TNRC6B: variants seen among roughly 807,000 people sequenced by gnomAD.
TNRC6B encodes trinucleotide repeat-containing gene 6B protein.
TNRC6B carries 52 observed loss-of-function variants against 203.6 expected under a neutral mutation model. That is an observed-to-expected ratio of 0.26 (90% confidence interval 0.20 to 0.32). The LOEUF (loss-of-function observed/expected upper bound fraction) is 0.32, where lower values mean the gene tolerates loss of function less well. Ranked by LOEUF, TNRC6B falls within the 10% of genes least tolerant of loss-of-function variation. The pLI is 1.00. For synonymous variants in TNRC6B, 838 were observed against 845.7 expected (o/e 0.99, Z 0.16); for missense variants, 1,923 against 2,286.2 (o/e 0.84, Z 3.24).
intron 12 of TNRC6B, among the ~76,000 whole-genome samples, chr22:40,288,495 A>G (rs2070819178): frequency 2.6e-5 from 4 of 151,954 alleles, no homozygotes; most frequent in African/African-American, 4.8e-5. Context: ...GCTTCAGCCC[A>G]GGAGTTTGAG....
intron 1 of TNRC6B, among the ~76,000 whole-genome samples, chr22:40,227,541 A>C (rs1044574968): frequency 8.3e-5 from 12 of 144,536 alleles, no homozygotes; most frequent in African/African-American, 3.1e-4. Context: ...AATAGAGGTG[A>C]GGTTTCACCA....
chr22:40,063,330 A>G (rs547164574), intron 1 of TNRC6B, among the ~76,000 whole-genome samples: 2 of 152,212 alleles, frequency 1.3e-5, no homozygotes, highest in East Asian at 3.9e-4. Flanking sequence ...GTAGTTTTGT[A>G]TTACGTTTTG....
At chr22:40,054,083 G>A (rs150761550) in intron 1 of TNRC6B, among the ~76,000 whole-genome samples, 2 of 152,134 alleles carry the variant, frequency 1.3e-5, no homozygotes, top group South Asian at 4.1e-4. Flanking sequence ...TGGGCGTGGT[G>A]GTGCCTGCCT....
At chr22:40,138,596 T>A (rs1377642805) in intron 3 of TNRC6B, among the ~76,000 whole-genome samples, 2 of 152,138 alleles carry the variant, frequency 1.3e-5, no homozygotes, top group African/African-American at 4.8e-5. Flanking sequence ...GGGTGTGGAT[T>A]TTGAAATACT....
intron 2 of TNRC6B, among the ~76,000 whole-genome samples, chr22:40,119,468 C>T (rs569357621): frequency 3.7e-4 from 57 of 152,270 alleles, no homozygotes; most frequent in Middle Eastern, 3.4e-3. Flanking sequence ...CCTGTAGTCC[C>T]AGCTACTTGG....
In TNRC6B at chr22:40,335,018, T is replaced by C. The variant is rs894860291; in HGVS notation, c.*11777T>C. ...ATTGATGCTCTCTGCAAGTTACCTT[T>C]AAGTGTTTTTTTTTTCTTATACTTG... is the stretch of plus-strand genomic sequence containing the variant. On this transcript the variant is annotated 3_prime_UTR_variant, in exon 23 of 23. Coordinates refer to ENST00000454349, the MANE Select transcript of TNRC6B (RefSeq NM_001162501.2). The C allele has an allele frequency of 9.2e-5, 14 of 152,464 alleles. No individual in the cohort carries two copies. Among genetic ancestry groups the C allele is most frequent in the African/African-American group, 2.9e-4 (12 of 41,372 alleles). The allele number at this position is 152,464 out of a possible 1,614,324, so 9.4% of individuals were successfully genotyped here.
At chr22:40,321,549 A>T (rs1285987526) in intron 22 of TNRC6B, 1 of 237,120 alleles carries the variant, frequency 4.2e-6, no homozygotes, top group Non-Finnish European at 8.5e-6. Flanking sequence ...GCACTTTGGG[A>T]GGCCAAGGCG....
chr22:40,317,931 T>C (rs546586322), intron 21 of TNRC6B, among the ~76,000 whole-genome samples: 3 of 152,190 alleles, frequency 2.0e-5, no homozygotes, highest in Non-Finnish European at 4.4e-5. Context: ...ATGCACACTT[T>C]ATTAAGCCAA....
chr22:40,058,230 CA>C (rs972803501), intron 1 of TNRC6B, among the ~76,000 whole-genome samples: 1 of 151,836 alleles, frequency 6.6e-6, no homozygotes, highest in African/African-American at 2.4e-5. Context: ...TTTACAACAC[CA>C]AAAAACAAAA....
At chr22:40,103,054 G>T (rs112306050) in intron 1 of TNRC6B, among the ~76,000 whole-genome samples, 1 of 151,504 alleles carries the variant, frequency 6.6e-6, no homozygotes, top group African/African-American at 2.4e-5. Flanking sequence ...TCCAGCCTGG[G>T]GACAGAGTGA....
At chr22:40,173,755 CT>C (rs1311426295), upstream of TNRC6B, among the ~76,000 whole-genome samples, 6 of 85,436 alleles carry the variant, frequency 7.0e-5, no homozygotes, top group African/African-American at 2.6e-4. Flanking sequence ...TTTATTAACT[CT>C]TTTTCTAGAT....
chr22:40,192,172 G>T (rs1015819221), intron 1 of TNRC6B, among the ~76,000 whole-genome samples: 7 of 152,204 alleles, frequency 4.6e-5, no homozygotes, highest in African/African-American at 1.7e-4. Context: ...AACTATGCCT[G>T]GCCCAGAAAT....
At chr22:40,058,298 G>A (rs1432699874) in intron 1 of TNRC6B, among the ~76,000 whole-genome samples, 1 of 152,228 alleles carries the variant, frequency 6.6e-6, no homozygotes, top group Non-Finnish European at 1.5e-5. Context: ...GAAGAAGAAT[G>A]AATGAAGATG....
chr22:40,249,752 T>C (rs2070160582), intron 2 of TNRC6B, among the ~76,000 whole-genome samples: 1 of 152,226 alleles, frequency 6.6e-6, no homozygotes, highest in South Asian at 2.1e-4. Context: ...GGCTGCATTG[T>C]CATTCATTCT....
intron 3 of TNRC6B, among the ~76,000 whole-genome samples, chr22:40,140,198 T>C (rs926338151): frequency 6.6e-6 from 1 of 152,192 alleles, no homozygotes; most frequent in African/African-American, 2.4e-5. Flanking sequence ...ATACCAGCAG[T>C]GTCCAGACAA....
At chr22:40,212,480 A>G (rs1294509679) in intron 1 of TNRC6B, among the ~76,000 whole-genome samples, 1 of 152,188 alleles carries the variant, frequency 6.6e-6, no homozygotes, top group Non-Finnish European at 1.5e-5. Context: ...ACCTTTGGGA[A>G]CAGATTAGTT....
At chr22:40,153,145 T>C (rs992110095) in intron 3 of TNRC6B, among the ~76,000 whole-genome samples, 16 of 152,100 alleles carry the variant, frequency 1.1e-4, no homozygotes, top group Non-Finnish European at 1.9e-4. Context: ...GTCAGTTATA[T>C]GTGTGGATAA....
chr22:40,136,189 T>G (rs1296169315), intron 3 of TNRC6B, among the ~76,000 whole-genome samples: 1 of 152,234 alleles, frequency 6.6e-6, no homozygotes, highest in Non-Finnish European at 1.5e-5. Flanking sequence ...AAATGTAATG[T>G]AACTTAGGTC....
At chr22:40,094,975 G>A (rs1007569120) in intron 1 of TNRC6B, among the ~76,000 whole-genome samples, 1 of 151,890 alleles carries the variant, frequency 6.6e-6, no homozygotes, top group Non-Finnish European at 1.5e-5. Context: ...GAGCATGTAA[G>A]CATCAACACT....
Sources: gnomAD v4.1 joint callset for allele counts (sites outside exome capture counted in the v4.1 genomes callset) on GRCh38, gnomAD v4.1.1 for gene constraint, MANE v1.5 for transcripts, NCBI Gene and HGNC (gene_info 2026-07-23, HGNC 2026-07-21) for gene names.